Variants in CPLX2 observed in about 807,000 individuals in gnomAD.
The protein encoded by CPLX2 is complexin-2.
CPLX2 carries 5 observed loss-of-function variants against 16.3 expected under a neutral mutation model. That is an observed-to-expected ratio of 0.31 (90% CI 0.16 to 0.64). The LOEUF is 0.64. Among genes scored for constraint, CPLX2 ranks in the 30% least tolerant of loss-of-function variants. The probability of loss-of-function intolerance (pLI) is 0.79; values close to 1 mark genes in which losing one functional copy is unlikely to be tolerated. For synonymous variants in CPLX2, 89 were observed against 73.2 expected (o/e 1.22, Z -1.10); for missense variants, 144 against 181.4 (o/e 0.79, Z 1.18).
At chr5:175,801,326 A>T (rs547300186) in intron 1 of CPLX2, among the ~76,000 whole-genome samples, 3 of 152,228 alleles carry the variant, frequency 2.0e-5, no homozygotes, top group Non-Finnish European at 4.4e-5. Context: ...GCAAGCAAGA[A>T]CAACAGTAGC....
Position 175,845,661 on chromosome 5 carries a change from G to A in CPLX2, c.-88-32991G>A, listed in dbSNP as rs1047843260. Among the ~76,000 whole-genome samples the A allele has an allele frequency of 5.3e-5, 8 of 152,208 alleles. No homozygotes were observed. In the East Asian group the frequency reaches 1.3e-3, roughly 26 times the overall value. On this transcript the variant is annotated intron_variant, in intron 2 of 4. Coordinates refer to the CPLX2 transcript ENST00000359546. This position sits in a 1 kb window ranked among gnomAD's most constrained non-coding sequence, Gnocchi z 4.0. ...ACTGGACTGTGAGTCTCTTAAGGGC[G>A]GGGACTCATTGGTGCTGGTTCCACG...
At chr5:175,840,485 C>T (rs894338558) in intron 2 of CPLX2, among the ~76,000 whole-genome samples, 4 of 152,218 alleles carry the variant, frequency 2.6e-5, no homozygotes, top group Non-Finnish European at 4.4e-5. Context: ...AAAACAAAGT[C>T]ACAACTTAGA....
At chr5:175,853,414 G>A (rs1759193326) in intron 2 of CPLX2, among the ~76,000 whole-genome samples, 1 of 151,522 alleles carries the variant, frequency 6.6e-6, no homozygotes, top group African/African-American at 2.4e-5. Context: ...CCGGCCTCTT[G>A]TCTTTCAGGG....
chr5:175,853,429 A>G (rs1759193668), intron 2 of CPLX2, among the ~76,000 whole-genome samples: 1 of 151,934 alleles, frequency 6.6e-6, no homozygotes, highest in Non-Finnish European at 1.5e-5. Context: ...TCAGGGTTGT[A>G]CAGAGGCTGT....
chr5:175,871,441 G>C (rs1328245340), upstream of CPLX2: 1 of 83,168 alleles, frequency 1.2e-5, no homozygotes, highest in Non-Finnish European at 3.1e-5. Context: ...GACAGAGAGA[G>C]AGAGAGAGAG....
intron 2 of CPLX2, among the ~76,000 whole-genome samples, chr5:175,838,239 G>A (rs1392693148): frequency 6.7e-6 from 1 of 150,080 alleles, no homozygotes; most frequent in Non-Finnish European, 1.5e-5. Flanking sequence ...GAGGGCAGCT[G>A]TAGCTAGCAT....
intron 2 of CPLX2, among the ~76,000 whole-genome samples, chr5:175,848,102 G>A (rs1018548781): frequency 6.6e-6 from 1 of 152,252 alleles, no homozygotes; most frequent in African/African-American, 2.4e-5. Context: ...CACTGCAGGA[G>A]ATGGGAGATA....
intron 2 of CPLX2, among the ~76,000 whole-genome samples, chr5:175,835,728 CTTTTTTTTTTTTTTTTTTTT>C (rs71575283): frequency 1.8e-5 from 1 of 54,770 alleles, no homozygotes; most frequent in Admixed American, 2.5e-4. Context: ...TATTTATTTA[CTTTTTTTTTTTTTTTTTTTT>C]TTTTTTTTGA....
chr5:175,853,563 A>G (rs1759196746), intron 2 of CPLX2, among the ~76,000 whole-genome samples: 1 of 152,020 alleles, frequency 6.6e-6, no homozygotes, highest in Non-Finnish European at 1.5e-5. Context: ...ATATCTGTCT[A>G]TTGTGCCCTG....
At chr5:175,876,390 T>C (rs1034415604) in intron 1 of CPLX2, among the ~76,000 whole-genome samples, 1 of 151,616 alleles carries the variant, frequency 6.6e-6, no homozygotes, top group African/African-American at 2.4e-5. Flanking sequence ...GGGGCTGAGG[T>C]CAGAGTTATG....
At chr5:175,825,481 GA>G (rs902141148) in intron 2 of CPLX2, among the ~76,000 whole-genome samples, 4 of 152,104 alleles carry the variant, frequency 2.6e-5, no homozygotes, top group Admixed American at 2.6e-4. Flanking sequence ...CTTTTCTAGT[GA>G]AAAACTTCCA....
intron 1 of CPLX2, among the ~76,000 whole-genome samples, chr5:175,800,740 C>T (rs1758076928): frequency 6.6e-6 from 1 of 152,194 alleles, no homozygotes; most frequent in South Asian, 2.1e-4. Context: ...GGCACCATTC[C>T]AAGTGATGGT....
intron 2 of CPLX2, among the ~76,000 whole-genome samples, chr5:175,827,782 C>T (rs1758647095): frequency 6.6e-6 from 1 of 152,014 alleles, no homozygotes. Context: ...TAAATAAAGT[C>T]CAAGAGATGA....
intron 2 of CPLX2, among the ~76,000 whole-genome samples, chr5:175,823,479 A>G (rs61165845): frequency 0.14 from 20,686 of 152,244 alleles, 1,651 homozygotes; most frequent in East Asian, 0.33. Flanking sequence ...TGAATGGTTC[A>G]GAGATAACTG....
chr5:175,879,033 G>A lies in CPLX2; in HGVS notation c.157G>A (p.Ala53Thr), dbSNP rs760662043. Reference sequence around the variant, plus strand: ...GGAGGAGGAGCGTAAGGCCAAGCACGCGCGCATGGAGGCGGAGCGGGAGAA... The same window carrying A: ...GGAGGAGGAGCGTAAGGCCAAGCACACGCGCATGGAGGCGGAGCGGGAGAA... Reference protein sequence around the residue: ...QQEEERKAKHARMEAEREKVR... With the variant: ...QQEEERKAKHTRMEAEREKVR... The change falls in exon 3 of 4, where the codon GCG (alanine) becomes ACG (threonine). Residue 53 changes from alanine to threonine, a missense_variant. Transcript: ENST00000393745. The A allele has an allele frequency of 4.4e-6, 7 of 1,592,494 alleles. No homozygotes were observed. Among genetic ancestry groups the A allele is most frequent in the Non-Finnish European group, 6.0e-6 (7 of 1,169,948 alleles).
chr5:175,832,715 C>T (rs1729644648), intron 2 of CPLX2, among the ~76,000 whole-genome samples: 1 of 152,150 alleles, frequency 6.6e-6, no homozygotes, highest in Non-Finnish European at 1.5e-5. Flanking sequence ...GGGGTCAAGA[C>T]TGGGCCCCTA....
Position 175,880,542 on chromosome 5 carries a change from G to T in CPLX2, c.*497G>T, listed in dbSNP as rs1282789782. 5.5e-6 allele frequency: 1 copy of T among 183,380 alleles called. No homozygotes were observed. Among genetic ancestry groups the T allele is most frequent in the African/African-American group, 2.4e-5 (1 of 41,930 alleles). The allele number at this position is 183,380 out of a possible 1,614,324, so 11.4% of individuals were successfully genotyped here. On this transcript the variant is annotated 3_prime_UTR_variant, in exon 4 of 4. Transcript: ENST00000393745. ...GTCCCGGGAAGGCCCAGGCTGAGAGGCCCTGGCTCTGGCCAGGCTGGGATC... is the reference window on the plus strand; with the variant it reads ...GTCCCGGGAAGGCCCAGGCTGAGAGTCCCTGGCTCTGGCCAGGCTGGGATC...
At chr5:175,817,908 A>G (rs1461457700) in intron 2 of CPLX2, among the ~76,000 whole-genome samples, 1 of 152,208 alleles carries the variant, frequency 6.6e-6, no homozygotes, top group Non-Finnish European at 1.5e-5. Context: ...CCACAGGACA[A>G]TGATGGAGGT....
At chr5:175,859,563 G>T (rs916189194) in intron 2 of CPLX2, among the ~76,000 whole-genome samples, 1 of 152,224 alleles carries the variant, frequency 6.6e-6, no homozygotes, top group Non-Finnish European at 1.5e-5. Flanking sequence ...CAGACAAATT[G>T]CCAGGAACAG....
Sources: gnomAD v4.1 joint callset for allele counts (sites outside exome capture counted in the v4.1 genomes callset) on GRCh38, gnomAD v4.1.1 for gene constraint, Gnocchi (gnomAD v3.1) non-coding constraint, MANE v1.5 for transcripts, NCBI Gene and HGNC (gene_info 2026-07-23, HGNC 2026-07-21) for gene names.